The following PSMB7 variants were observed in gnomAD, a reference collection of about 807,000 sequenced individuals.
PSMB7 encodes the protein proteasome subunit beta type-7.
PSMB7 carries 5 observed loss-of-function variants against 28.1 expected under a neutral mutation model. That is an observed-to-expected ratio of 0.18 (90% CI 0.09 to 0.37). The LOEUF (loss-of-function observed/expected upper bound fraction) is 0.37, where lower values mean the gene tolerates loss of function less well. Ranked by LOEUF, PSMB7 falls within the 10% of genes least tolerant of loss-of-function variation. PSMB7 has a pLI of 1.00. For synonymous variants in PSMB7, 122 were observed against 123.7 expected, an observed-to-expected ratio of 0.99 and a Z score of 0.09; for missense variants, 275 against 346.2, an observed-to-expected ratio of 0.79 and a Z score of 1.63.
chr9:124,367,571 C>T (rs1185948361), intron 6 of PSMB7, among the ~76,000 whole-genome samples: 3 of 151,580 alleles, frequency 2.0e-5, no homozygotes, highest in Non-Finnish European at 4.4e-5. Context: ...TGACTGTGGT[C>T]ATGGGGGGCG....
chr9:124,356,740 AAGAACTTCGT>A lies in PSMB7; in HGVS notation c.722+14_722+23del. The A allele has an allele frequency of 6.3e-7, 1 of 1,598,940 alleles. No homozygotes were observed. Among genetic ancestry groups the A allele is most frequent in the Non-Finnish European group, 8.6e-7 (1 of 1,168,988 alleles). ...TGGCCACGACGCCAGGGGACCCAGG[AAGAACTTCGT>A]CTCCTTCACTCACCTGGTCCCCTTC... is the stretch of plus-strand genomic sequence containing the variant. On this transcript the variant is annotated intron_variant, in intron 7 of 7. Coordinates refer to ENST00000259457, the MANE Select transcript of PSMB7 (RefSeq NM_002799.4). This position sits in a 1 kb window ranked among gnomAD's most constrained non-coding sequence, Gnocchi z 4.4.
At chr9:124,375,289 T>C (rs1423888735) in intron 6 of PSMB7, among the ~76,000 whole-genome samples, 1 of 152,074 alleles carries the variant, frequency 6.6e-6, no homozygotes, top group African/African-American at 2.4e-5. Context: ...GCCTCCTGAG[T>C]AGCTGAGACT....
chr9:124,364,883 C>T (rs1830492391), intron 6 of PSMB7, among the ~76,000 whole-genome samples: 1 of 152,188 alleles, frequency 6.6e-6, no homozygotes, highest in African/African-American at 2.4e-5. Flanking sequence ...CGCGTTCCCA[C>T]CTCCAACATC....
intron 6 of PSMB7, among the ~76,000 whole-genome samples, chr9:124,357,693 CATCACATGCTATGTCCT>C (rs1830424380): frequency 6.6e-6 from 1 of 152,336 alleles, no homozygotes; most frequent in East Asian, 1.9e-4. Flanking sequence ...CGAGAAGCCC[CATCACATGCTATGTCCT>C]ATCACATGCT....
intron 5 of PSMB7, among the ~76,000 whole-genome samples, chr9:124,390,697 T>C (rs2131166844): frequency 6.6e-6 from 1 of 152,178 alleles, no homozygotes; most frequent in East Asian, 1.9e-4. Flanking sequence ...TCTTTTTACT[T>C]GTATTTTTAA....
intron 3 of PSMB7, 94 bp downstream of exon 3, chr9:124,413,814 G>GA: frequency 1.2e-6 from 1 of 818,124 alleles, no homozygotes; most frequent in Non-Finnish European, 1.9e-6. Flanking sequence ...AATACAGGTT[G>GA]AAAAACAGGT....
intron 6 of PSMB7, among the ~76,000 whole-genome samples, chr9:124,376,646 T>C (rs1186332308): frequency 6.6e-6 from 1 of 152,248 alleles, no homozygotes; most frequent in Non-Finnish European, 1.5e-5. Context: ...TAAGATGTCT[T>C]TCCCAGTCTT....
At chr9:124,361,930 T>G (rs1424852401) in intron 6 of PSMB7, among the ~76,000 whole-genome samples, 4 of 152,224 alleles carry the variant, frequency 2.6e-5, no homozygotes. Flanking sequence ...ATTTTTAGAT[T>G]GGGAATGTCA....
chr9:124,364,768 C>G (rs1005456377), intron 6 of PSMB7, among the ~76,000 whole-genome samples: 1 of 152,168 alleles, frequency 6.6e-6, no homozygotes, highest in Non-Finnish European at 1.5e-5. Flanking sequence ...AACAAAGCAG[C>G]AGCCAGCACT....
intron 5 of PSMB7, among the ~76,000 whole-genome samples, chr9:124,385,369 T>A (rs1485735750): frequency 6.6e-6 from 1 of 152,206 alleles, no homozygotes; most frequent in Non-Finnish European, 1.5e-5. Flanking sequence ...GATAGCAAAT[T>A]TATCCCTACA....
At chr9:124,354,297 T>C (rs1334299007) in intron 7 of PSMB7, among the ~76,000 whole-genome samples, 1 of 152,220 alleles carries the variant, frequency 6.6e-6, no homozygotes, top group Non-Finnish European at 1.5e-5. Flanking sequence ...ACCTTCTTCC[T>C]GGAGTGAATC....
In PSMB7 at chr9:124,412,401, G is replaced by T. The variant is rs773129597; in HGVS notation, c.346C>A (p.Leu116Ile). The T allele has an allele frequency of 1.4e-5, 22 of 1,614,196 alleles. No individual in the cohort carries two copies. Among genetic ancestry groups the T allele is most frequent in the Non-Finnish European group, 1.9e-5 (22 of 1,180,024 alleles). Residue 116 changes from leucine to isoleucine, a missense_variant, in exon 4 of 8, where the codon CTT becomes ATT. Coordinates refer to ENST00000259457, the MANE Select transcript of PSMB7 (RefSeq NM_002799.4). The part of the protein sequence containing the change: ...LELHSLSTGR[L>I]PRVVTANRML... Reference sequence around the variant, plus strand: ...CGATTGGCTGTCACAACTCTGGGAAGACGGCCAGTGGAGAGGGAGTGGAGC... The same window carrying T: ...CGATTGGCTGTCACAACTCTGGGAATACGGCCAGTGGAGAGGGAGTGGAGC...
At chr9:124,398,148 G>A (rs1830860442) in intron 5 of PSMB7, among the ~76,000 whole-genome samples, 2 of 151,686 alleles carry the variant, frequency 1.3e-5, no homozygotes. Flanking sequence ...ACTCCAGCCT[G>A]GGCAACAGAG....
intron 6 of PSMB7, among the ~76,000 whole-genome samples, chr9:124,360,060 A>AT (rs1246059184): frequency 6.6e-6 from 1 of 152,222 alleles, no homozygotes; most frequent in African/African-American, 2.4e-5. Context: ...TCAATGCTGA[A>AT]TACTGTCTCT....
At chr9:124,396,485 C>T (rs1161046146) in intron 5 of PSMB7, among the ~76,000 whole-genome samples, 5 of 152,206 alleles carry the variant, frequency 3.3e-5, no homozygotes, top group Non-Finnish European at 7.3e-5. Context: ...TTTCTCACTG[C>T]TCAGAGGCCC....
intron 5 of PSMB7, 88 bp from the exon 6 acceptor site, chr9:124,384,744 A>C (rs1830702878): frequency 2.5e-6 from 3 of 1,183,752 alleles, no homozygotes; most frequent in Non-Finnish European, 3.7e-6. Context: ...AAAACAGCAA[A>C]ACATGCCCAG....
intron 4 of PSMB7, among the ~76,000 whole-genome samples, chr9:124,410,657 T>C (rs1486584970): frequency 6.6e-6 from 1 of 152,242 alleles, no homozygotes; most frequent in Non-Finnish European, 1.5e-5. Flanking sequence ...TACACAAACA[T>C]AAAGCAGCAA....
chr9:124,373,249 T>C (rs1455173427), intron 6 of PSMB7, among the ~76,000 whole-genome samples: 1 of 152,252 alleles, frequency 6.6e-6, no homozygotes, highest in Non-Finnish European at 1.5e-5. Flanking sequence ...AACTGGTTAA[T>C]AGCACTATTA....
chr9:124,388,079 T>C (rs1051683323), intron 5 of PSMB7, among the ~76,000 whole-genome samples: 2 of 152,240 alleles, frequency 1.3e-5, no homozygotes, highest in African/African-American at 4.8e-5. Context: ...TATAAACCAC[T>C]AATAATGCCC....
Sources: allele counts gnomAD v4.1 joint callset (sites outside exome capture counted in the v4.1 genomes callset), GRCh38; gene constraint gnomAD v4.1.1; non-coding constraint Gnocchi (gnomAD v3.1); transcripts MANE v1.5; gene names NCBI Gene and HGNC (gene_info 2026-07-23, HGNC 2026-07-21).